Variants in USF3 observed in about 807,000 individuals in gnomAD.
USF3 encodes basic helix-loop-helix domain-containing protein USF3.
In USF3, 29 loss-of-function variants were observed where a neutral mutation model predicts 157.5. The ratio of observed to expected loss-of-function variants is 0.18; its 90% CI spans 0.14 to 0.25. The LOEUF is 0.25. Among genes scored for constraint, USF3 ranks in the 10% least tolerant of loss-of-function variants. The pLI, the probability that USF3 is intolerant of heterozygous loss-of-function variation, is 1.00. For missense variants in USF3, 2,381 were observed against 2,667.6 expected (o/e 0.89, Z 2.37); for synonymous variants, 893 against 941.4 (o/e 0.95, Z 0.94).
At chr3:113,690,334 C>T (rs1298261437) in intron 1 of USF3, among the ~76,000 whole-genome samples, 1 of 152,142 alleles carries the variant, frequency 6.6e-6, no homozygotes, top group African/African-American at 2.4e-5. Flanking sequence ...AGCCTTTCTC[C>T]CATTTGATGG....
chr3:113,671,530 T>G (rs1331642586), intron 4 of USF3, among the ~76,000 whole-genome samples: 3 of 152,186 alleles, frequency 2.0e-5, no homozygotes, highest in African/African-American at 7.2e-5. Flanking sequence ...TAGGAGACAT[T>G]ATACAAATAA....
At position 113,655,621 on chromosome 3, in the gene USF3, T is replaced by C; in HGVS notation, c.6061A>G (p.Ser2021Gly). Reference sequence around the variant, plus strand: ...GGTTGTTGACGTCCAAGAATCATACTGCCACCAGTAGAGAGAGGAAGATGG... The same window carrying C: ...GGTTGTTGACGTCCAAGAATCATACCGCCACCAGTAGAGAGAGGAAGATGG... Reference protein sequence around the residue: ...LPHLPLSTGGSMILGRQQPAT... With the variant: ...LPHLPLSTGGGMILGRQQPAT... Residue 2021 changes from serine (S) to glycine (G), a missense_variant, in exon 7 of 7, where the codon AGT (serine) becomes GGT (glycine). Ser to Gly is a moderately conservative substitution (Grantham distance 56). Coordinates refer to ENST00000316407, the MANE Select transcript of USF3 (RefSeq NM_001009899.4). 1.2e-6 allele frequency: 2 copies of C among 1,614,170 alleles called. No individual in the cohort carries two copies. The highest frequency in any genetic ancestry group is 1.7e-6 in the Non-Finnish European group (2 of 1,179,984).
At chr3:113,681,768 G>T (rs941381949) in intron 1 of USF3, among the ~76,000 whole-genome samples, 1 of 150,258 alleles carries the variant, frequency 6.7e-6, no homozygotes, top group Non-Finnish European at 1.5e-5. Flanking sequence ...CACCCAGGCT[G>T]GAGTGCAGTG....
chr3:113,686,801 T>C (rs115885244), intron 1 of USF3, among the ~76,000 whole-genome samples: 1,725 of 152,360 alleles, frequency 0.011, 8 homozygotes, highest in Non-Finnish European at 0.019. Flanking sequence ...TTTTTCATTA[T>C]ACAAATGAAA....
chr3:113,665,500 T>C (rs140424732), intron 5 of USF3, among the ~76,000 whole-genome samples: 153 of 152,366 alleles, frequency 1.0e-3, no homozygotes, highest in African/African-American at 3.6e-3. Flanking sequence ...TTTATTCTCA[T>C]GTCCAATACA....
At chr3:113,666,248 C>CTTTTT (rs1232834885) in intron 5 of USF3, among the ~76,000 whole-genome samples, 604 of 101,694 alleles carry the variant, frequency 5.9e-3, no homozygotes, top group Non-Finnish European at 7.1e-3. Context: ...AGACATCTTT[C>CTTTTT]TTTTTTTTTT....
chr3:113,671,611 C>G (rs781315747), intron 4 of USF3, among the ~76,000 whole-genome samples: 5 of 152,116 alleles, frequency 3.3e-5, no homozygotes, highest in African/African-American at 4.8e-5. Context: ...CTAAAACATT[C>G]CTTTTTAACA....
intron 1 of USF3, among the ~76,000 whole-genome samples, chr3:113,683,833 G>T (rs1354069386): frequency 6.6e-6 from 1 of 152,094 alleles, no homozygotes; most frequent in African/African-American, 2.4e-5. Flanking sequence ...TTAAAATGTT[G>T]TAGTTATTAT....
chr3:113,677,776 C>T (rs1707313734), intron 1 of USF3, among the ~76,000 whole-genome samples: 2 of 152,146 alleles, frequency 1.3e-5, no homozygotes, highest in Non-Finnish European at 1.5e-5. Flanking sequence ...CCTTCAATTT[C>T]CTACCTCCTA....
chr3:113,658,768 A>G lies in USF3; in HGVS notation c.2914T>C (p.Cys972Arg). 1 of 1,614,170 alleles carries G rather than the reference A, an allele frequency of 6.2e-7. No homozygotes were observed. ...GCAATGATTTCTACCTCAGAAACAC[A>G]GTCAGTACTTGTAGTGCTTGTTGTA... ...SSTTSTTSTDCVSEVEIIAEP... is the reference protein window; with the variant it reads ...SSTTSTTSTDRVSEVEIIAEP... The change falls in exon 7 of 7, where the codon TGT (cysteine) becomes CGT (arginine). Residue 972 changes from cysteine (C) to arginine (R), a missense_variant. This residue lies in a region of USF3 where 1,435 missense variants were observed against 1,550.9 expected (regional missense o/e 0.93). Transcript: ENST00000316407.
intron 1 of USF3, among the ~76,000 whole-genome samples, chr3:113,692,385 A>G (rs926387500): frequency 4.6e-5 from 7 of 152,146 alleles, no homozygotes; most frequent in Non-Finnish European, 1.0e-4. Context: ...TAAAAAATTC[A>G]TATTATTCAT....
intron 5 of USF3, among the ~76,000 whole-genome samples, chr3:113,665,907 G>A (rs554907669): frequency 2.0e-5 from 3 of 150,184 alleles, no homozygotes; most frequent in Non-Finnish European, 4.4e-5. Flanking sequence ...CTTGGCGGCC[G>A]GGTACGGTGG....
At position 113,648,675 on chromosome 3, in the gene USF3, C is replaced by G. The variant is rs915469474; in HGVS notation, c.*6269G>C. 10 of 152,536 alleles carry G rather than the reference C, an allele frequency of 6.6e-5. No homozygotes were observed. The highest frequency in any genetic ancestry group is 2.4e-4 in the African/African-American group (10 of 41,426). 9.4% of individuals were successfully genotyped at this position (152,536 alleles called of 1,614,324 possible). ...AATTAGTTTCCATAAGAATTATAAA[C>G]CAGGAGATTTACAGTAATAGGACAC... is the stretch of plus-strand genomic sequence containing the variant. On this transcript the variant is annotated 3_prime_UTR_variant, in exon 7 of 7. Transcript: ENST00000316407.
Position 113,648,687 on chromosome 3 carries a change from C to T in USF3, c.*6257G>A, listed in dbSNP as rs569041377. ...TAAGAATTATAAACCAGGAGATTTACAGTAATAGGACACAGTGTGCAGCAG... is the reference window on the plus strand; with the variant it reads ...TAAGAATTATAAACCAGGAGATTTATAGTAATAGGACACAGTGTGCAGCAG... On this transcript the variant is annotated 3_prime_UTR_variant, in exon 7 of 7. Transcript: ENST00000316407. The T allele has an allele frequency of 6.6e-6, 1 of 152,432 alleles. No homozygotes were observed. Among genetic ancestry groups the T allele is most frequent in the Non-Finnish European group, 1.5e-5 (1 of 68,006 alleles). 9.4% of individuals were successfully genotyped at this position (152,432 alleles called of 1,614,324 possible).
Position 113,657,536 on chromosome 3 carries a change from A to C in USF3, c.4146T>G (p.Ser1382=). 4 of 1,614,162 alleles carry C rather than the reference A, an allele frequency of 2.5e-6. No homozygotes were observed. Among genetic ancestry groups the C allele is most frequent in the East Asian group, 2.2e-5 (1 of 44,878 alleles). The change falls in exon 7 of 7, where the codon TCT becomes TCG. Residue 1382 remains serine (S), a synonymous_variant. Transcript: ENST00000316407. ...TGCTAACAGGCACAACTGAGTTTGAAGAATTAGGAGGGATCTGACTGACCA... is the reference window on the plus strand; with the variant it reads ...TGCTAACAGGCACAACTGAGTTTGACGAATTAGGAGGGATCTGACTGACCA... ...QMMVSQIPPN[S]SNSVVPVSNP...
intron 1 of USF3, among the ~76,000 whole-genome samples, chr3:113,677,857 C>T (rs34337798): frequency 0.32 from 47,925 of 152,004 alleles, 7,661 homozygotes; most frequent in Non-Finnish European, 0.35. Context: ...AGACAGCCCT[C>T]AGACCTTTGC....
chr3:113,658,233 C>A lies in USF3; in HGVS notation c.3449G>T (p.Arg1150Ile). 1 of 1,614,158 alleles carries A rather than the reference C, an allele frequency of 6.2e-7. No homozygotes were observed. Among genetic ancestry groups the A allele is most frequent in the Non-Finnish European group, 8.5e-7 (1 of 1,180,012 alleles). ...IFDQENLEKG[R>I]VGLQADIREV... ...CCTTATATCAGCCTGGAGGCCAACT[C>A]TCCCCTTCTCAAGGTTCTCCTGGTC... The change falls in exon 7 of 7, where the codon AGA (arginine) becomes ATA (isoleucine). Residue 1150 changes from arginine (R) to isoleucine (I), a missense_variant. Arg to Ile is a moderately conservative substitution (Grantham distance 97). This residue lies in a region of USF3 where 1,435 missense variants were observed against 1,550.9 expected (regional missense o/e 0.93). Transcript: ENST00000316407.
chr3:113,670,270 G>A (rs1707120466), intron 4 of USF3, 67 bp from the exon 5 acceptor site: 9 of 902,346 alleles, frequency 1.0e-5, no homozygotes, highest in Non-Finnish European at 1.7e-5. Flanking sequence ...ATTCAACCAC[G>A]GTAAAGAAGT....
chr3:113,691,667 T>C (rs1707687572), intron 1 of USF3, among the ~76,000 whole-genome samples: 1 of 152,164 alleles, frequency 6.6e-6, no homozygotes, highest in African/African-American at 2.4e-5. Flanking sequence ...GAGCTTCTGT[T>C]TTCCTGGCCT....
Sources: gnomAD v4.1 joint callset for allele counts (sites outside exome capture counted in the v4.1 genomes callset) on GRCh38, gnomAD v4.1.1 for gene constraint, gnomAD v4.1.1 regional missense constraint, MANE v1.5 for transcripts, NCBI Gene and HGNC (gene_info 2026-07-23, HGNC 2026-07-21) for gene names.